Variants in PCSK5 observed in about 807,000 individuals in gnomAD.
PCSK5 encodes the protein prohormone convertase 5.
A neutral mutation model predicts 233.2 loss-of-function variants in PCSK5; 129 were observed. The observed-to-expected ratio is 0.55, with a 90% CI of 0.48 to 0.64. PCSK5 has a LOEUF of 0.64. PCSK5 is among the 30% of genes least tolerant of loss of function. The probability of loss-of-function intolerance (pLI) is 0.00; values close to 1 mark genes in which losing one functional copy is unlikely to be tolerated. For synonymous variants in PCSK5, 825 were observed against 879.2 expected (o/e 0.94, Z 1.09); for missense variants, 2,076 against 2,430.1 (o/e 0.85, Z 3.06).
Position 76,172,458 on chromosome 9 carries a change from T to G in PCSK5, c.1757-2528T>G, listed in dbSNP as rs367955427. ...TAAGGAAATAAAATTACATAATAAG[T>G]GAAATATAAAGAGATGAATTACACA... On this transcript the variant is annotated intron_variant, in intron 13 of 37. Transcript: ENST00000674117. Among the ~76,000 whole-genome samples the G allele has an allele frequency of 6.6e-5, 10 of 152,100 alleles. No individual in the cohort carries two copies. The East Asian group carries it at 1.2e-3, about 18-fold the overall frequency.
chr9:76,003,943 G>A (rs781637427), intron 3 of PCSK5, among the ~76,000 whole-genome samples: 11 of 152,118 alleles, frequency 7.2e-5, no homozygotes, highest in Non-Finnish European at 1.5e-4. Flanking sequence ...CTGCAGGTGT[G>A]CACCACCACA....
At chr9:76,036,276 G>A (rs986441245) in intron 5 of PCSK5, among the ~76,000 whole-genome samples, 1 of 152,278 alleles carries the variant, frequency 6.6e-6, no homozygotes, top group Admixed American at 6.5e-5. Context: ...CCAATGATAG[G>A]TATGCATTTT....
intron 7 of PCSK5, among the ~76,000 whole-genome samples, chr9:76,085,812 C>T (rs1329611848): frequency 6.6e-6 from 1 of 152,164 alleles, no homozygotes; most frequent in Non-Finnish European, 1.5e-5. Context: ...CTTGAGCTGG[C>T]ACTTGGAACC....
chr9:76,327,305 C>T (rs1829392255), intron 32 of PCSK5, among the ~76,000 whole-genome samples: 1 of 151,914 alleles, frequency 6.6e-6, no homozygotes, highest in Non-Finnish European at 1.5e-5. Flanking sequence ...CAGTGTCTTG[C>T]CATGTTGCTC....
chr9:76,256,011 A>G (rs148591924), intron 24 of PCSK5, among the ~76,000 whole-genome samples: 3 of 152,332 alleles, frequency 2.0e-5, no homozygotes, highest in Non-Finnish European at 2.9e-5. Flanking sequence ...TTTCCAAAGT[A>G]GACTGCACTC....
chr9:76,101,750 C>T (rs1369425140), intron 8 of PCSK5, among the ~76,000 whole-genome samples: 1 of 152,152 alleles, frequency 6.6e-6, no homozygotes, highest in African/African-American at 2.4e-5. Flanking sequence ...CCTGGGGTAT[C>T]TCAGAGTTGG....
chr9:76,243,878 A>C (rs1826502466), intron 24 of PCSK5, among the ~76,000 whole-genome samples: 1 of 152,244 alleles, frequency 6.6e-6, no homozygotes, highest in South Asian at 2.1e-4. Context: ...TTCTCTAATC[A>C]AACTTTGTTT....
At position 76,175,001 on chromosome 9, in the gene PCSK5, G is replaced by C; in HGVS notation, c.1772G>C (p.Trp591Ser). The C allele has an allele frequency of 1.3e-6, 2 of 1,599,012 alleles. No individual in the cohort carries two copies. Among genetic ancestry groups the C allele is most frequent in the Non-Finnish European group, 1.7e-6 (2 of 1,174,220 alleles). Residue 591 changes from tryptophan (W) to serine (S), a missense_variant, in exon 14 of 38, where the codon TGG becomes TCG. Physicochemically the swap from Trp to Ser is radical, Grantham distance 177 (BLOSUM62 -3). Coordinates refer to ENST00000674117, the MANE Select transcript of PCSK5 (RefSeq NM_001372043.1). ...NFKTPGKLKE[W>S]SLVLYGTSVQ... ...ATTTCTCAAGGTAAATTGAAAGAAT[G>C]GTCTTTGGTCCTCTACGGCACCTCC...
At chr9:76,242,942 A>C (rs1055294490) in intron 24 of PCSK5, among the ~76,000 whole-genome samples, 1 of 152,324 alleles carries the variant, frequency 6.6e-6, no homozygotes, top group African/African-American at 2.4e-5. Flanking sequence ...CCTTGACAGG[A>C]ATGTATGAAT....
Position 76,284,222 on chromosome 9 carries a change from G to C in PCSK5, c.3143-8011G>C, listed in dbSNP as rs528226638. 1.4e-4 allele frequency among the ~76,000 whole-genome samples: 22 copies of C among 151,968 alleles called. No individual in the cohort carries two copies. The South Asian group carries it at 4.6e-3, about 32-fold the overall frequency. Reference sequence around the variant, plus strand: ...CTTTAATGTATGTGAAATATTCATTGATATGGTTTGGCTGTGTCCTCACCC... The same window carrying C: ...CTTTAATGTATGTGAAATATTCATTCATATGGTTTGGCTGTGTCCTCACCC... On this transcript the variant is annotated intron_variant, in intron 24 of 37. Coordinates refer to ENST00000674117, the MANE Select transcript of PCSK5 (RefSeq NM_001372043.1).
intron 2 of PCSK5, among the ~76,000 whole-genome samples, chr9:75,955,999 C>G (rs146203377): frequency 3.0e-4 from 46 of 152,276 alleles, no homozygotes; most frequent in African/African-American, 1.0e-3. Flanking sequence ...TTAAGTAACT[C>G]GCTCAAAGCA....
At chr9:76,119,362 TA>T (rs1832548217) in intron 9 of PCSK5, among the ~76,000 whole-genome samples, 1 of 152,158 alleles carries the variant, frequency 6.6e-6, no homozygotes, top group South Asian at 2.1e-4. Context: ...TTAAAAGTAT[TA>T]TTTAGTCAAA....
At chr9:76,312,068 C>G (rs923810936) in intron 30 of PCSK5, among the ~76,000 whole-genome samples, 6 of 152,140 alleles carry the variant, frequency 3.9e-5, no homozygotes, top group African/African-American at 1.4e-4. Flanking sequence ...AGATTCACGC[C>G]TGAACATCCA....
chr9:75,956,596 A>G (rs1825104974), intron 2 of PCSK5, among the ~76,000 whole-genome samples: 1 of 152,232 alleles, frequency 6.6e-6, no homozygotes, highest in African/African-American at 2.4e-5. Context: ...AGAGTGACTC[A>G]AAATTACCCT....
intron 8 of PCSK5, among the ~76,000 whole-genome samples, chr9:76,101,625 G>T (rs1831762119): frequency 6.6e-6 from 1 of 152,044 alleles, no homozygotes; most frequent in Admixed American, 6.6e-5. Flanking sequence ...GGGACATAGG[G>T]TTTCTCAGAT....
At chr9:76,096,196 C>G in intron 8 of PCSK5, 94 bp downstream of exon 8, 1 of 673,798 alleles carries the variant, frequency 1.5e-6, no homozygotes, top group Non-Finnish European at 2.6e-6. Flanking sequence ...TATATACACA[C>G]ACACACACAC....
chr9:76,037,985 G>C (rs1828933594), intron 5 of PCSK5, among the ~76,000 whole-genome samples: 1 of 152,176 alleles, frequency 6.6e-6, no homozygotes, highest in Non-Finnish European at 1.5e-5. Flanking sequence ...CGCACCAGCT[G>C]CATGTAATTT....
At chr9:76,211,282 G>T (rs1825320917) in intron 20 of PCSK5, among the ~76,000 whole-genome samples, 1 of 152,184 alleles carries the variant, frequency 6.6e-6, no homozygotes, top group Non-Finnish European at 1.5e-5. Flanking sequence ...TGCTAAGCTA[G>T]AGATGACCTG....
intron 3 of PCSK5, among the ~76,000 whole-genome samples, chr9:76,004,025 T>TGGCCTCA (rs964647050): frequency 6.6e-6 from 1 of 152,180 alleles, no homozygotes; most frequent in African/African-American, 2.4e-5. Flanking sequence ...CTCAAGTTCC[T>TGGCCTCA]GGCCTCAGGT....
Sources: allele counts gnomAD v4.1 joint callset (sites outside exome capture counted in the v4.1 genomes callset), GRCh38; gene constraint gnomAD v4.1.1; transcripts MANE v1.5; gene names NCBI Gene and HGNC (gene_info 2026-07-23, HGNC 2026-07-21).